Variants in PSD3 observed in about 807,000 individuals in gnomAD.
PSD3 encodes pleckstrin and Sec7 domain containing 3.
PSD3 carries 49 observed loss-of-function variants against 105.5 expected under a neutral mutation model. That is an observed-to-expected ratio of 0.46 (90% CI 0.37 to 0.59). The LOEUF (loss-of-function observed/expected upper bound fraction) is 0.59, where lower values mean the gene tolerates loss of function less well. Ranked by LOEUF, PSD3 falls within the 20% of genes least tolerant of loss-of-function variation. The probability of loss-of-function intolerance (pLI) is 0.00; values close to 1 mark genes in which losing one functional copy is unlikely to be tolerated. For synonymous variants in PSD3, 557 were observed against 457.8 expected (o/e 1.22, Z -2.77); for missense variants, 1,561 against 1,263.8 (o/e 1.24, Z -3.57).
chr8:19,062,709 T>C (rs1828945513), intron 1 of PSD3, among the ~76,000 whole-genome samples: 1 of 152,250 alleles, frequency 6.6e-6, no homozygotes, highest in Non-Finnish European at 1.5e-5. Flanking sequence ...ATAGAAGTTG[T>C]GTTATCACTT....
intron 10 of PSD3, among the ~76,000 whole-genome samples, chr8:18,649,173 G>C (rs1808283459): frequency 1.3e-5 from 2 of 152,152 alleles, no homozygotes; most frequent in Non-Finnish European, 2.9e-5. Flanking sequence ...GCCCCCAGCA[G>C]TTTGCACCCT....
At chr8:18,594,504 C>T (rs998961729) in intron 12 of PSD3, among the ~76,000 whole-genome samples, 9 of 140,192 alleles carry the variant, frequency 6.4e-5, no homozygotes, top group East Asian at 4.0e-4. Flanking sequence ...CTTAGGTAAA[C>T]GAAAGTTGAG....
intron 6 of PSD3, among the ~76,000 whole-genome samples, chr8:18,803,965 A>AC (rs398112282): frequency 6.6e-6 from 1 of 151,550 alleles, no homozygotes; most frequent in Non-Finnish European, 1.5e-5. Flanking sequence ...CGATAAAAAA[A>AC]CGAAAAACAG....
At chr8:19,037,542 A>G (rs1827985094) in intron 1 of PSD3, among the ~76,000 whole-genome samples, 2 of 152,352 alleles carry the variant, frequency 1.3e-5, no homozygotes, top group Admixed American at 1.3e-4. Flanking sequence ...TCCAGAAGAG[A>G]TTCATATTCA....
At chr8:18,708,269 G>A (rs1486615803) in intron 9 of PSD3, among the ~76,000 whole-genome samples, 1 of 152,068 alleles carries the variant, frequency 6.6e-6, no homozygotes, top group Non-Finnish European at 1.5e-5. Context: ...AGGATTTAGG[G>A]ATGAGAGTAA....
rs185911096 is a variant in PSD3, at chr8:18,762,608, G to A, written c.2172+2841C>T. ...ATTACACATATCCATATCTTACACT[G>A]TAAACACCCTGTAGGGGAAAAAATG... On this transcript the variant is annotated intron_variant, in intron 9 of 15. Transcript: ENST00000327040. Among the ~76,000 whole-genome samples, 710 of 152,216 alleles carry A rather than the reference G, an allele frequency of 4.7e-3. 8 individuals are homozygous for A. The highest frequency in any genetic ancestry group is 0.017 in the African/African-American group (688 of 41,538).
chr8:18,577,995 T>C (rs1015759575), intron 12 of PSD3, among the ~76,000 whole-genome samples: 1 of 152,106 alleles, frequency 6.6e-6, no homozygotes, highest in African/African-American at 2.4e-5. Flanking sequence ...ATTTCTTTGA[T>C]AGGTATAGAA....
chr8:18,846,420 T>C (rs1815096196), intron 4 of PSD3, among the ~76,000 whole-genome samples: 1 of 152,088 alleles, frequency 6.6e-6, no homozygotes, highest in Non-Finnish European at 1.5e-5. Context: ...AAACTAACGA[T>C]AGAACAGTTT....
chr8:18,666,416 A>G (rs909332602), intron 9 of PSD3, among the ~76,000 whole-genome samples: 1 of 152,164 alleles, frequency 6.6e-6, no homozygotes, highest in African/African-American at 2.4e-5. Flanking sequence ...TTATCGCGGT[A>G]TTTGTTTTAT....
intron 2 of PSD3, among the ~76,000 whole-genome samples, chr8:18,920,512 G>C (rs1264059875): frequency 1.3e-4 from 20 of 152,162 alleles, no homozygotes; most frequent in Admixed American, 1.3e-3. Flanking sequence ...CTTTGAAATA[G>C]TAAACAACTT....
intron 12 of PSD3, among the ~76,000 whole-genome samples, chr8:18,595,486 G>C (rs1007531276): frequency 4.7e-5 from 6 of 126,706 alleles, no homozygotes; most frequent in African/African-American, 1.7e-4. Context: ...GGGAGGGACA[G>C]ATGCAGAGAG....
At chr8:18,783,754 A>G (rs760604459) in intron 8 of PSD3, among the ~76,000 whole-genome samples, 19 of 152,038 alleles carry the variant, frequency 1.2e-4, no homozygotes, top group Non-Finnish European at 2.6e-4. Context: ...CACATCAGCC[A>G]CTCGAGTAAC....
At chr8:18,941,100 G>C (rs1183708422) in intron 1 of PSD3, among the ~76,000 whole-genome samples, 1 of 152,162 alleles carries the variant, frequency 6.6e-6, no homozygotes, top group Non-Finnish European at 1.5e-5. Flanking sequence ...ATTAATGACA[G>C]ACCCACAGAA....
chr8:18,543,213 G>A (rs777971286), intron 15 of PSD3, among the ~76,000 whole-genome samples: 73 of 151,448 alleles, frequency 4.8e-4, no homozygotes, highest in Admixed American at 8.6e-4. Context: ...GTTTAATGGC[G>A]CCTTTGTCTA....
chr8:18,578,938 A>T (rs1022986054), intron 12 of PSD3, among the ~76,000 whole-genome samples: 1 of 152,116 alleles, frequency 6.6e-6, no homozygotes, highest in Non-Finnish European at 1.5e-5. Context: ...GGATCTATTT[A>T]ATTAGGGCTA....
rs530132865 is a variant in PSD3 at position 18,953,269 on chromosome 8, C to T, written c.22-17127G>A. Among the ~76,000 whole-genome samples the T allele has an allele frequency of 5.3e-5, 8 of 152,006 alleles. No individual in the cohort carries two copies. The East Asian group carries it at 1.2e-3, about 22-fold the overall frequency. On this transcript the variant is annotated intron_variant, in intron 1 of 15. Coordinates refer to ENST00000327040, the MANE Select transcript of PSD3 (RefSeq NM_015310.4). ...TGGTTGGGGTATAAATTAATGGTGA[C>T]GCGGCATGTTCATATATATCTGTCT...
intron 9 of PSD3, among the ~76,000 whole-genome samples, chr8:18,666,434 G>C (rs1028862232): frequency 2.0e-5 from 3 of 152,182 alleles, no homozygotes; most frequent in African/African-American, 7.2e-5. Flanking sequence ...TATTGCTGTG[G>C]TCTAGAACTG....
intron 2 of PSD3, among the ~76,000 whole-genome samples, chr8:18,897,963 T>C (rs569965057): frequency 2.0e-5 from 3 of 152,230 alleles, no homozygotes; most frequent in South Asian, 2.1e-4. Context: ...CTTCTAGTAC[T>C]CCTGAAAAAA....
rs75553983 is a variant in PSD3, at chr8:18,537,294, C to A, written c.2929-1336G>T. ...ACAAAGGCAAAGACAAGTTCAAAGT[C>A]AAAGTAAGGAAGAAATGAAACTCGG... On this transcript the variant is annotated intron_variant, in intron 15 of 15. Coordinates refer to ENST00000327040, the MANE Select transcript of PSD3 (RefSeq NM_015310.4). Among the ~76,000 whole-genome samples the A allele has an allele frequency of 7.7e-3, 1,179 of 152,240 alleles. 9 individuals carry two copies. Among genetic ancestry groups the A allele is most frequent in the South Asian group, 0.033 (160 of 4,816 alleles).
Sources: allele counts gnomAD v4.1 joint callset (sites outside exome capture counted in the v4.1 genomes callset), GRCh38; gene constraint gnomAD v4.1.1; transcripts MANE v1.5; gene names NCBI Gene and HGNC (gene_info 2026-07-23, HGNC 2026-07-21).